The following CRCP variants were observed in gnomAD, a reference collection of about 807,000 sequenced individuals.
The protein encoded by CRCP is CGRP receptor component.
CRCP carries 18 observed loss-of-function variants against 18.5 expected under a neutral mutation model. The ratio of observed to expected loss-of-function variants is 0.97; its 90% CI spans 0.67 to 1.44. The LOEUF is 1.44. Ranked by LOEUF, CRCP falls within the 40% of genes most tolerant of loss-of-function variation. The pLI is 0.00. For missense variants in CRCP, 130 were observed against 176.4 expected (o/e 0.74, Z 1.49); for synonymous variants, 53 against 62.9 (o/e 0.84, Z 0.75).
intron 5 of CRCP, among the ~76,000 whole-genome samples, chr7:66,149,923 C>T (rs1047711717): frequency 5.3e-5 from 8 of 152,058 alleles, no homozygotes; most frequent in African/African-American, 1.9e-4. Context: ...TCTCCTGCCT[C>T]AGCCTCCCGT....
At chr7:66,123,100 G>A (rs1454758590) in intron 1 of CRCP, among the ~76,000 whole-genome samples, 2 of 151,124 alleles carry the variant, frequency 1.3e-5, no homozygotes, top group African/African-American at 4.8e-5. Flanking sequence ...GATTACAGGC[G>A]CCCGCCACTA....
At chr7:66,115,134 G>C (rs1316500966) in intron 1 of CRCP, among the ~76,000 whole-genome samples, 164 bp downstream of exon 1, 1 of 152,174 alleles carries the variant, frequency 6.6e-6, no homozygotes, top group African/African-American at 2.4e-5. Flanking sequence ...GGGGACGAAC[G>C]GGACTCTCGC....
intron 4 of CRCP, among the ~76,000 whole-genome samples, chr7:66,143,429 T>G (rs316329): frequency 0.1 from 15,811 of 152,138 alleles, 999 homozygotes; most frequent in South Asian, 0.2. Flanking sequence ...TCTCTAGCTG[T>G]TTCCTAAAAC....
intron 4 of CRCP, among the ~76,000 whole-genome samples, chr7:66,140,625 C>T (rs1788108627): frequency 6.6e-6 from 1 of 152,186 alleles, no homozygotes; most frequent in Non-Finnish European, 1.5e-5. Context: ...CTCCTGACCT[C>T]AGGTGATTCG....
chr7:66,146,683 C>T (rs1425415523), intron 5 of CRCP, among the ~76,000 whole-genome samples: 1 of 152,144 alleles, frequency 6.6e-6, no homozygotes, highest in African/African-American at 2.4e-5. Context: ...TTTTGCCCTT[C>T]AGAATGTACC....
chr7:66,126,081 G>A (rs1296804116), intron 1 of CRCP, among the ~76,000 whole-genome samples: 1 of 149,524 alleles, frequency 6.7e-6, no homozygotes, highest in Non-Finnish European at 1.5e-5. Flanking sequence ...TGACTTCAGT[G>A]TGTTTGTGGT....
chr7:66,122,666 A>G (rs1787482169), intron 1 of CRCP, among the ~76,000 whole-genome samples: 1 of 151,860 alleles, frequency 6.6e-6, no homozygotes, highest in Non-Finnish European at 1.5e-5. Flanking sequence ...AAGCATTGCT[A>G]TGTTAATTTG....
chr7:66,144,493 T>G (rs1788236793), intron 4 of CRCP, among the ~76,000 whole-genome samples: 1 of 152,184 alleles, frequency 6.6e-6, no homozygotes, highest in Non-Finnish European at 1.5e-5. Flanking sequence ...TTTGTGTGTT[T>G]TAATTTTTTA....
intron 1 of CRCP, among the ~76,000 whole-genome samples, chr7:66,115,750 C>T (rs1037655567): frequency 6.6e-6 from 1 of 152,062 alleles, no homozygotes. Flanking sequence ...CCTTTATGTT[C>T]TTTTGCCTCA....
At chr7:66,135,680 T>G (rs1477389835) in intron 4 of CRCP, among the ~76,000 whole-genome samples, 2 of 152,160 alleles carry the variant, frequency 1.3e-5, no homozygotes, top group African/African-American at 2.4e-5. Context: ...CCCAGCACTT[T>G]GGGAGGCTGA....
At chr7:66,126,159 C>T (rs1787611307) in intron 1 of CRCP, among the ~76,000 whole-genome samples, 1 of 149,354 alleles carries the variant, frequency 6.7e-6, no homozygotes, top group African/African-American at 2.4e-5. Context: ...GTAAGCTTCA[C>T]AGAGCTGATT....
chr7:66,141,021 A>T (rs978549425), intron 4 of CRCP, among the ~76,000 whole-genome samples: 1 of 152,148 alleles, frequency 6.6e-6, no homozygotes, highest in African/African-American at 2.4e-5. Context: ...AAGATTTTTT[A>T]AAATCTTTTT....
intron 5 of CRCP, among the ~76,000 whole-genome samples, chr7:66,151,673 CTGTGTGTGTG>C (rs1223890806): frequency 0.012 from 1,653 of 138,570 alleles, 13 homozygotes; most frequent in African/African-American, 0.019. Context: ...CCACTTCTCT[CTGTGTGTGTG>C]TGTGTGTGTG....
At chr7:66,145,385 G>GTCAGGAC in intron 4 of CRCP, 58 bp from the exon 5 acceptor site, 1 of 1,563,688 alleles carries the variant, frequency 6.4e-7, no homozygotes, top group South Asian at 1.1e-5. Flanking sequence ...GTGCAGCTCA[G>GTCAGGAC]TCAGGACTCA....
chr7:66,132,681 C>T (rs556632373), intron 3 of CRCP, among the ~76,000 whole-genome samples: 4 of 152,054 alleles, frequency 2.6e-5, no homozygotes, highest in African/African-American at 9.6e-5. Flanking sequence ...TTTGGGAGGC[C>T]GAGGCAGGCG....
At chr7:66,121,862 A>G (rs947667401) in intron 1 of CRCP, among the ~76,000 whole-genome samples, 18 of 152,188 alleles carry the variant, frequency 1.2e-4, no homozygotes, top group African/African-American at 4.1e-4. Context: ...AATAGGTACT[A>G]TAACAACTCA....
At chr7:66,115,957 C>G (rs1037543311) in intron 1 of CRCP, among the ~76,000 whole-genome samples, 4 of 152,122 alleles carry the variant, frequency 2.6e-5, no homozygotes, top group Non-Finnish European at 5.9e-5. Context: ...CCATCACTCA[C>G]CGCTAATTTT....
At position 66,122,640 on chromosome 7, in the gene CRCP, G is replaced by GA. The variant is rs879914352; in HGVS notation, c.9-5064_9-5063insA. Among the ~76,000 whole-genome samples, 3 of 142,586 alleles carry GA rather than the reference G, an allele frequency of 2.1e-5. No homozygotes were observed. In the Admixed American group the frequency reaches 2.1e-4, roughly 10 times the overall value. 93.5% of individuals were successfully genotyped at this position (142,586 alleles called of 152,430 possible). On this transcript the variant is annotated intron_variant, in intron 1 of 5. Transcript: ENST00000395326. The stretch of plus-strand genomic sequence containing the variant: ...TAGTATAGATTTAGACAGTTGTTTT[G>GA]TTTTTTTTTTTACTCAAGCATTGCT...
chr7:66,147,278 G>C (rs1318074762), intron 5 of CRCP, among the ~76,000 whole-genome samples: 1 of 151,404 alleles, frequency 6.6e-6, no homozygotes, highest in Non-Finnish European at 1.5e-5. Flanking sequence ...GGCCAAGGTT[G>C]CAGTGAGCCA....
Sources: gnomAD v4.1 joint callset for allele counts (sites outside exome capture counted in the v4.1 genomes callset) on GRCh38, gnomAD v4.1.1 for gene constraint, MANE v1.5 for transcripts, NCBI Gene and HGNC (gene_info 2026-07-23, HGNC 2026-07-21) for gene names.